The following SOX5 variants were observed in gnomAD, a reference collection of about 807,000 sequenced individuals.
SOX5 encodes the protein transcription factor SOX-5.
SOX5 carries 9 observed loss-of-function variants against 92.0 expected under a neutral mutation model. The observed-to-expected ratio is 0.10, with a 90% CI of 0.06 to 0.17. The LOEUF (loss-of-function observed/expected upper bound fraction) is 0.17. SOX5 is among the 10% of genes least tolerant of loss of function. SOX5 has a pLI of 1.00. For missense variants in SOX5, 642 were observed against 944.5 expected, an observed-to-expected ratio of 0.68 and a Z score of 4.20; for synonymous variants, 344 against 336.3, an observed-to-expected ratio of 1.02 and a Z score of -0.25.
chr12:23,552,071 A>G (rs965468061), intron 11 of SOX5, among the ~76,000 whole-genome samples: 15 of 151,952 alleles, frequency 9.9e-5, no homozygotes, highest in African/African-American at 3.1e-4. Context: ...CAATATATGA[A>G]AATGACTTGA....
chr12:23,952,030 A>G (rs1046988379), upstream of SOX5, among the ~76,000 whole-genome samples: 18 of 152,286 alleles, frequency 1.2e-4, no homozygotes, highest in African/African-American at 4.3e-4. Flanking sequence ...TCATTTGTTA[A>G]TGGTTGTTAT....
intron 3 of SOX5, among the ~76,000 whole-genome samples, chr12:24,273,099 G>A (rs1324608680): frequency 1.3e-5 from 2 of 152,044 alleles, no homozygotes; most frequent in African/African-American, 2.4e-5. Flanking sequence ...AGCCAAGCAT[G>A]GTGACATGTG....
At chr12:24,410,002 CTT>C (rs34124767) in intron 1 of SOX5, among the ~76,000 whole-genome samples, 15,087 of 146,448 alleles carry the variant, frequency 0.1, 915 homozygotes, top group Middle Eastern at 0.2. Flanking sequence ...CACATAGCAA[CTT>C]TTTTTTTTTT....
upstream of SOX5, among the ~76,000 whole-genome samples, chr12:23,950,235 T>G (rs1945389184): frequency 6.6e-6 from 1 of 150,678 alleles, no homozygotes; most frequent in African/African-American, 2.5e-5. Context: ...TTTTCTAGGC[T>G]CTCTCCGTTC....
chr12:24,371,417 C>T (rs1596007204), intron 1 of SOX5, among the ~76,000 whole-genome samples: 2 of 152,320 alleles, frequency 1.3e-5, no homozygotes, highest in East Asian at 3.9e-4. Flanking sequence ...AACATAAAAC[C>T]TAACCAGGCT....
chr12:23,577,167 A>T (rs1333158315), intron 9 of SOX5, among the ~76,000 whole-genome samples: 1 of 93,334 alleles, frequency 1.1e-5, no homozygotes, highest in African/African-American at 3.6e-5. Flanking sequence ...ACACACACAC[A>T]CACACACACA....
chr12:23,623,543 C>T (rs971231169), intron 8 of SOX5, among the ~76,000 whole-genome samples: 4 of 151,994 alleles, frequency 2.6e-5, no homozygotes, highest in Non-Finnish European at 5.9e-5. Context: ...GCTCATTTAT[C>T]CCTCTTTCAT....
intron 8 of SOX5, among the ~76,000 whole-genome samples, chr12:23,612,008 T>C (rs917976586): frequency 6.6e-5 from 10 of 152,054 alleles, no homozygotes; most frequent in Non-Finnish European, 1.2e-4. Flanking sequence ...TTCCTAAAGA[T>C]AATTTGTGAA....
intron 3 of SOX5, among the ~76,000 whole-genome samples, chr12:24,237,636 T>C (rs1964769042): frequency 1.3e-5 from 2 of 152,246 alleles, no homozygotes; most frequent in South Asian, 4.1e-4. Context: ...GTAACAATTA[T>C]GAAATATTTG....
At position 24,334,488 on chromosome 12, in the gene SOX5, T is replaced by C. The variant is rs149175588; in HGVS notation, c.-174+34075A>G. ...AAATCAAAGAAGTTTAGAATTAAAA[T>C]AAAGGGATGCCTTTTATTGCCTGTC... On this transcript the variant is annotated intron_variant, in intron 2 of 4. Coordinates refer to the SOX5 transcript ENST00000446891. Among the ~76,000 whole-genome samples, 20 of 152,210 alleles carry C rather than the reference T, an allele frequency of 1.3e-4. 1 individual carries two copies. Among genetic ancestry groups the C allele is most frequent in the Admixed American group, 1.3e-3 (20 of 15,296 alleles).
intron 3 of SOX5, among the ~76,000 whole-genome samples, chr12:23,799,581 G>A (rs2095625739): frequency 6.6e-6 from 1 of 152,016 alleles, no homozygotes; most frequent in East Asian, 1.9e-4. Flanking sequence ...ATTCTACATA[G>A]GGAGGATTTC....
At chr12:23,842,966 G>C (rs970983270) in intron 3 of SOX5, among the ~76,000 whole-genome samples, 1 of 152,112 alleles carries the variant, frequency 6.6e-6, no homozygotes, top group South Asian at 2.1e-4. Flanking sequence ...AACACTACTT[G>C]AGCCAATGAT....
At chr12:24,395,049 T>C (rs932392044) in intron 1 of SOX5, among the ~76,000 whole-genome samples, 10 of 152,216 alleles carry the variant, frequency 6.6e-5, no homozygotes, top group Non-Finnish European at 1.3e-4. Context: ...GCCAGCCCGA[T>C]ATTAATGATT....
intron 4 of SOX5, among the ~76,000 whole-genome samples, chr12:24,135,158 T>C (rs1181182034): frequency 6.6e-6 from 1 of 152,190 alleles, no homozygotes; most frequent in East Asian, 1.9e-4. Flanking sequence ...GCTCCGCTAT[T>C]TTCATTTCTT....
chr12:23,631,466 T>C (rs938789647), intron 8 of SOX5, among the ~76,000 whole-genome samples: 2 of 152,100 alleles, frequency 1.3e-5, no homozygotes, highest in Admixed American at 6.6e-5. Context: ...TAAAAAAGTA[T>C]ACTTTAAAAA....
chr12:23,823,417 T>C (rs376339969), intron 3 of SOX5, among the ~76,000 whole-genome samples: 1 of 152,194 alleles, frequency 6.6e-6, no homozygotes, highest in African/African-American at 2.4e-5. Flanking sequence ...GAAAATTCTT[T>C]TCTTTAAGAG....
chr12:24,547,267 A>G (rs894824762), intron 1 of SOX5, among the ~76,000 whole-genome samples: 2 of 149,052 alleles, frequency 1.3e-5, no homozygotes, highest in Non-Finnish European at 3.0e-5. Context: ...TCTCGGCTCA[A>G]TGCAAGCTCC....
chr12:23,847,751 C>T (rs1469165833), intron 2 of SOX5, among the ~76,000 whole-genome samples: 1 of 152,002 alleles, frequency 6.6e-6, no homozygotes, highest in African/African-American at 2.4e-5. Flanking sequence ...ACAAACATTA[C>T]AGAATATGCC....
At chr12:23,779,988 T>TGC (rs1429726022) in intron 3 of SOX5, among the ~76,000 whole-genome samples, 3 of 149,628 alleles carry the variant, frequency 2.0e-5, no homozygotes, top group Non-Finnish European at 4.5e-5. Flanking sequence ...TGTGTGTGTG[T>TGC]GTATTTGAGT....
Sources: gnomAD v4.1 joint callset for allele counts (sites outside exome capture counted in the v4.1 genomes callset) on GRCh38, gnomAD v4.1.1 for gene constraint, MANE v1.5 for transcripts, NCBI Gene and HGNC (gene_info 2026-07-23, HGNC 2026-07-21) for gene names.